Variants in CAMK4 observed in about 807,000 individuals in gnomAD.
CAMK4 encodes calcium/calmodulin dependent protein kinase IV.
In CAMK4, 22 loss-of-function variants were observed where a neutral mutation model predicts 44.9. The ratio of observed to expected loss-of-function variants is 0.49; its 90% confidence interval spans 0.35 to 0.70. The LOEUF (loss-of-function observed/expected upper bound fraction) is 0.70, where lower values mean the gene tolerates loss of function less well. Among genes scored for constraint, CAMK4 ranks in the 30% least tolerant of loss-of-function variants. The probability of loss-of-function intolerance (pLI) is 0.01; values close to 1 mark genes in which losing one functional copy is unlikely to be tolerated. For synonymous variants in CAMK4, 218 were observed against 215.4 expected (o/e 1.01, Z -0.11); for missense variants, 498 against 586.8 (o/e 0.85, Z 1.56).
chr5:111,395,598 T>A (rs142546176), intron 5 of CAMK4, among the ~76,000 whole-genome samples: 1 of 152,296 alleles, frequency 6.6e-6, no homozygotes, highest in East Asian at 1.9e-4. Context: ...GGAAGAAACA[T>A]AAGTTAATAT....
intron 1 of CAMK4, among the ~76,000 whole-genome samples, chr5:111,274,022 C>CCTCATCT (rs1750655931): frequency 6.6e-6 from 1 of 151,628 alleles, no homozygotes; most frequent in East Asian, 1.9e-4. Flanking sequence ...AGTATGGCCA[C>CCTCATCT]CTCATCTCTC....
intron 8 of CAMK4, among the ~76,000 whole-genome samples, chr5:111,477,325 G>A (rs971705313): frequency 5.3e-5 from 8 of 152,190 alleles, no homozygotes; most frequent in African/African-American, 1.9e-4. Flanking sequence ...ATACGAAACT[G>A]CTTCTTTCTA....
chr5:111,300,815 A>C (rs557291770), intron 1 of CAMK4, among the ~76,000 whole-genome samples: 1 of 152,352 alleles, frequency 6.6e-6, no homozygotes, highest in Non-Finnish European at 1.5e-5. Context: ...TAACATAAGA[A>C]TTCTCCTAAG....
chr5:111,309,148 C>T (rs1261183356), intron 1 of CAMK4, among the ~76,000 whole-genome samples: 1 of 152,154 alleles, frequency 6.6e-6, no homozygotes. Context: ...GCTGACGGTC[C>T]AGGGCACCCT....
chr5:111,263,732 A>G (rs1001135148), intron 1 of CAMK4, among the ~76,000 whole-genome samples: 1 of 152,144 alleles, frequency 6.6e-6, no homozygotes, highest in East Asian at 1.9e-4. Context: ...ATAAATTCCA[A>G]ACTCTTAACT....
chr5:111,400,262 T>G (rs188762804), intron 5 of CAMK4, among the ~76,000 whole-genome samples: 1 of 152,148 alleles, frequency 6.6e-6, no homozygotes, highest in African/African-American at 2.4e-5. Flanking sequence ...AGAAAAAAAA[T>G]TAATTTCCCT....
intron 2 of CAMK4, among the ~76,000 whole-genome samples, chr5:111,373,911 T>C (rs1239172671): frequency 6.6e-6 from 1 of 152,138 alleles, no homozygotes; most frequent in Non-Finnish European, 1.5e-5. Context: ...CTTTTAGATC[T>C]CTGAAATGCC....
rs1160793634 is a variant in CAMK4, at chr5:111,492,286, T to G, written c.*7820T>G. The G allele has an allele frequency of 6.6e-6, 1 of 152,182 alleles. No homozygotes were observed. Among genetic ancestry groups the G allele is most frequent in the Non-Finnish European group, 1.5e-5 (1 of 68,024 alleles). The allele number at this position is 152,182 out of a possible 1,614,324, so 9.4% of individuals were successfully genotyped here. ...ATCAATTTATTAGGAGTACCTAAAA[T>G]TATAACTCTAAATAATATACAGCAA... On this transcript the variant is annotated 3_prime_UTR_variant, in exon 11 of 11. Transcript: ENST00000282356.
At chr5:111,263,675 T>G (rs1485669533) in intron 1 of CAMK4, among the ~76,000 whole-genome samples, 5 of 152,332 alleles carry the variant, frequency 3.3e-5, no homozygotes, top group African/African-American at 1.2e-4. Context: ...CAAATTGTTC[T>G]GATTGATAGC....
intron 2 of CAMK4, among the ~76,000 whole-genome samples, chr5:111,366,740 C>T (rs1323852654): frequency 6.6e-6 from 1 of 152,088 alleles, no homozygotes; most frequent in Non-Finnish European, 1.5e-5. Flanking sequence ...CTACTTCTTT[C>T]TCCCCTACCA....
rs75009623 is a variant in CAMK4, at chr5:111,349,652, G to A, written c.240+5550G>A. On this transcript the variant is annotated intron_variant, in intron 2 of 10. Coordinates refer to ENST00000282356, the MANE Select transcript of CAMK4 (RefSeq NM_001744.6). ...GAAGAATGACATCATTATGATGATG[G>A]AGTCTCTATTTCAGGAGTAATTCAC... Among the ~76,000 whole-genome samples the A allele has an allele frequency of 5.2e-3, 789 of 152,028 alleles. 7 individuals carry two copies. The highest frequency in any genetic ancestry group is 0.018 in the African/African-American group (728 of 41,532).
At chr5:111,427,507 A>G (rs774729264) in intron 5 of CAMK4, among the ~76,000 whole-genome samples, 26 of 152,192 alleles carry the variant, frequency 1.7e-4, no homozygotes, top group Non-Finnish European at 3.4e-4. Flanking sequence ...GCCCTACCCC[A>G]GAGGGGAGCC....
At chr5:111,454,647 C>CAAAAAAAAA (rs66917170) in intron 7 of CAMK4, among the ~76,000 whole-genome samples, 74 of 114,000 alleles carry the variant, frequency 6.5e-4, no homozygotes, top group Non-Finnish European at 9.3e-4. Context: ...GTCACACAGA[C>CAAAAAAAAA]AAAAAAAAAA....
intron 1 of CAMK4, among the ~76,000 whole-genome samples, chr5:111,272,107 T>TTG (rs897327262): frequency 4.8e-5 from 7 of 147,190 alleles, no homozygotes; most frequent in South Asian, 2.1e-4. Flanking sequence ...GTGTGTGTGT[T>TTG]TGTGTGTGTG....
intron 2 of CAMK4, among the ~76,000 whole-genome samples, chr5:111,345,046 A>T (rs1267230166): frequency 6.7e-6 from 1 of 150,336 alleles, no homozygotes; most frequent in African/African-American, 2.5e-5. Context: ...GAAGTCAAAT[A>T]CATTTTTAGG....
At chr5:111,299,096 C>G (rs2112641994) in intron 1 of CAMK4, among the ~76,000 whole-genome samples, 1 of 152,372 alleles carries the variant, frequency 6.6e-6, no homozygotes, top group African/African-American at 2.4e-5. Flanking sequence ...ATGTCCCTAC[C>G]TGGAAGATGC....
Position 111,342,142 on chromosome 5 carries a change from G to C in CAMK4, c.162-1882G>C, listed in dbSNP as rs568505138. Among the ~76,000 whole-genome samples, 26 of 151,314 alleles carry C rather than the reference G, an allele frequency of 1.7e-4. No individual in the cohort carries two copies. The South Asian group carries it at 4.0e-3, about 23-fold the overall frequency. ...AAATGTCACTTAGTATAATTTAGTT[G>C]GTAGGGCTGTTCTGTTGTTCTGTAA... On this transcript the variant is annotated intron_variant, in intron 1 of 10. Coordinates refer to ENST00000282356, the MANE Select transcript of CAMK4 (RefSeq NM_001744.6).
intron 2 of CAMK4, among the ~76,000 whole-genome samples, chr5:111,350,633 G>T (rs896732788): frequency 6.6e-6 from 1 of 151,572 alleles, no homozygotes; most frequent in African/African-American, 2.4e-5. Context: ...ATAGAAAAAC[G>T]GTTCCAGGTC....
chr5:111,440,406 C>T (rs952738957), intron 5 of CAMK4, among the ~76,000 whole-genome samples: 15 of 151,956 alleles, frequency 9.9e-5, no homozygotes, highest in African/African-American at 3.4e-4. Context: ...GTTGACAAAA[C>T]TATAGTAAGA....
Sources: allele counts gnomAD v4.1 joint callset (sites outside exome capture counted in the v4.1 genomes callset), GRCh38; gene constraint gnomAD v4.1.1; transcripts MANE v1.5; gene names NCBI Gene and HGNC (gene_info 2026-07-23, HGNC 2026-07-21).